The following ZNF787 variants were observed in gnomAD, a reference collection of about 807,000 sequenced individuals.
The protein encoded by ZNF787 is TTF-I-interacting peptide 20.
Under a neutral mutation model 16.9 loss-of-function variants are expected in ZNF787, and 7 were observed. The ratio of observed to expected loss-of-function variants is 0.42; its 90% confidence interval spans 0.24 to 0.78. The LOEUF (loss-of-function observed/expected upper bound fraction) is 0.78. Ranked by LOEUF, ZNF787 falls within the 30% of genes least tolerant of loss-of-function variation. The pLI, the probability that ZNF787 is intolerant of heterozygous loss-of-function variation, is 0.30. For synonymous variants in ZNF787, 345 were observed against 270.9 expected (o/e 1.27, Z -2.69); for missense variants, 551 against 589.3 (o/e 0.94, Z 0.67).
At chr19:56,089,453 C>T (rs747983478) in intron 2 of ZNF787, among the ~76,000 whole-genome samples, 30 of 152,098 alleles carry the variant, frequency 2.0e-4, no homozygotes, top group Non-Finnish European at 2.9e-5. Flanking sequence ...GCCTGGACGC[C>T]GGGGGCAGAG....
At chr19:56,089,361 A>T (rs1221161413) in intron 2 of ZNF787, among the ~76,000 whole-genome samples, 1 of 152,116 alleles carries the variant, frequency 6.6e-6, no homozygotes, top group Non-Finnish European at 1.5e-5. Context: ...GTCTGTAAAC[A>T]ACCAGGCAAC....
rs776699302 is a variant in ZNF787 at position 56,088,093 on chromosome 19, T to C, written c.1079A>G (p.Glu360Gly). Reference protein sequence around the residue: ...CGQSYYRAGGEEEDDDDEAAG... With the variant: ...CGQSYYRAGGGEEDDDDEAAG... ...GGCCTCGTCGTCGTCGTCCTCCTCC[T>C]CCCCGCCCGCGCGGTAGTAGCTCTG... The change falls in exon 3 of 3, where the codon GAG (glutamate) becomes GGG (glycine). Residue 360 changes from glutamate (E) to glycine (G), a missense_variant. By Grantham distance (98) the Glu-to-Gly change is moderately conservative. Coordinates refer to ENST00000610935, the MANE Select transcript of ZNF787 (RefSeq NM_001002836.4). The surrounding 1 kb of genome is among the most constrained non-coding windows in gnomAD (Gnocchi z 8.6). 1.1e-5 allele frequency: 15 copies of C among 1,362,452 alleles called. No homozygotes were observed. In the Middle Eastern group the frequency reaches 8.7e-4, roughly 79 times the overall value. The allele number at this position is 1,362,452 out of a possible 1,614,324, so 84.4% of individuals were successfully genotyped here. A position where few individuals can be genotyped will look rare whatever the true frequency, so the allele number is the denominator to read the frequency against.
intron 2 of ZNF787, among the ~76,000 whole-genome samples, chr19:56,098,750 C>T (rs1298160004): frequency 8.6e-6 from 1 of 116,282 alleles, no homozygotes; most frequent in Non-Finnish European, 1.9e-5. Flanking sequence ...GTGATACGGC[C>T]GCTGGGTGAT....
chr19:56,109,624 C>T lies in ZNF787; in HGVS notation c.-10-6397G>A, dbSNP rs999185074. ...AAATAACATTTGTGGCCGTGCGCAGCGGCTCACACCTGTAATCCCAGCACA... is the reference window on the plus strand; with the variant it reads ...AAATAACATTTGTGGCCGTGCGCAGTGGCTCACACCTGTAATCCCAGCACA... On this transcript the variant is annotated intron_variant, in intron 1 of 2. Transcript: ENST00000610935. Among the ~76,000 whole-genome samples the T allele has an allele frequency of 9.9e-5, 15 of 152,250 alleles. 3 individuals carry two copies. The highest frequency in any genetic ancestry group is 1.9e-4 in the East Asian group (1 of 5,172).
chr19:56,087,819 G>T lies in ZNF787; in HGVS notation c.*204C>A, dbSNP rs889773065. 3.7e-6 allele frequency: 3 copies of T among 808,984 alleles called. No individual in the cohort carries two copies. The highest frequency in any genetic ancestry group is 4.9e-6 in the Non-Finnish European group (3 of 606,920). The allele number at this position is 808,984 out of a possible 1,614,324, so 50.1% of individuals were successfully genotyped here. The stretch of plus-strand genomic sequence containing the variant: ...GGGCGGGCCAGGCTGAGGGGGCAGA[G>T]TCTCGAGGCGGAGAAGTGAACGGGC... On this transcript the variant is annotated 3_prime_UTR_variant, in exon 3 of 3. Coordinates refer to ENST00000610935, the MANE Select transcript of ZNF787 (RefSeq NM_001002836.4).
chr19:56,120,956 T>G, intron 1 of ZNF787, among the ~76,000 whole-genome samples: 1 of 104,202 alleles, frequency 9.6e-6, no homozygotes, highest in African/African-American at 3.6e-5. Flanking sequence ...CGGGCGCGCG[T>G]CCCCTCCCAC....
chr19:56,115,055 C>G (rs1044461477), intron 1 of ZNF787, among the ~76,000 whole-genome samples: 1 of 152,152 alleles, frequency 6.6e-6, no homozygotes, highest in Admixed American at 6.5e-5. Context: ...TACCTGGCAT[C>G]TTGCATGGGG....
At chr19:56,118,882 C>T (rs2030210544) in intron 1 of ZNF787, among the ~76,000 whole-genome samples, 1 of 152,150 alleles carries the variant, frequency 6.6e-6, no homozygotes, top group Admixed American at 6.5e-5. Flanking sequence ...TGAGCTGTGA[C>T]CCCTGCCATT....
intron 1 of ZNF787, among the ~76,000 whole-genome samples, chr19:56,117,726 T>C (rs2030179245): frequency 6.6e-6 from 1 of 152,200 alleles, no homozygotes; most frequent in Non-Finnish European, 1.5e-5. Context: ...ACACCTACTA[T>C]AGGTCCCCAT....
chr19:56,100,599 G>A (rs1163775747), intron 2 of ZNF787, among the ~76,000 whole-genome samples: 2 of 152,134 alleles, frequency 1.3e-5, no homozygotes, highest in African/African-American at 4.8e-5. Flanking sequence ...CAATAGGCTA[G>A]AGGAAAAGGG....
At chr19:56,114,694 G>A (rs978675888) in intron 1 of ZNF787, among the ~76,000 whole-genome samples, 12 of 152,128 alleles carry the variant, frequency 7.9e-5, no homozygotes, top group Admixed American at 2.6e-4. Flanking sequence ...TGTCACGAGC[G>A]TGGTGATATC....
At chr19:56,107,373 G>T (rs541325100) in intron 1 of ZNF787, among the ~76,000 whole-genome samples, 5 of 152,172 alleles carry the variant, frequency 3.3e-5, no homozygotes, top group African/African-American at 1.2e-4. Context: ...CATGAAGGCC[G>T]CGCTCTCCAG....
rs1024633274 is a variant in ZNF787, at chr19:56,087,881, G to A, written c.*142C>T. The A allele has an allele frequency of 4.0e-6, 5 of 1,251,264 alleles. No individual in the cohort carries two copies. The highest frequency in any genetic ancestry group is 4.4e-5 in the Admixed American group (1 of 22,762). 77.5% of individuals were successfully genotyped at this position (1,251,264 alleles called of 1,614,324 possible). A position where few individuals can be genotyped will look rare whatever the true frequency, so the allele number is the denominator to read the frequency against. On this transcript the variant is annotated 3_prime_UTR_variant, in exon 3 of 3. Coordinates refer to ENST00000610935, the MANE Select transcript of ZNF787 (RefSeq NM_001002836.4). ...CCAGTGCCCCCCCACGGACGGCGCAGGGACAGAGGAGGGCGGGGAGCCGGG... is the reference window on the plus strand; with the variant it reads ...CCAGTGCCCCCCCACGGACGGCGCAAGGACAGAGGAGGGCGGGGAGCCGGG...
In ZNF787 at chr19:56,094,433, C is replaced by G. The variant is rs569516305; in HGVS notation, c.80-5341G>C. Among the ~76,000 whole-genome samples, 50 of 151,534 alleles carry G rather than the reference C, an allele frequency of 3.3e-4. No homozygotes were observed. The Middle Eastern group carries it at 0.014, about 42-fold the overall frequency. ...AAGTGATCCACCAGCCTTGGCCTCC[C>G]AAAGTGCTGGGATTACAAGCATGAG... is the stretch of plus-strand genomic sequence containing the variant. On this transcript the variant is annotated intron_variant, in intron 2 of 2. Coordinates refer to ENST00000610935, the MANE Select transcript of ZNF787 (RefSeq NM_001002836.4).
intron 2 of ZNF787, among the ~76,000 whole-genome samples, chr19:56,091,982 G>GAAGCCGAAGCCGAAGCCGAAACCGAAAC (rs1568523497): frequency 1.4e-5 from 2 of 143,668 alleles, no homozygotes; most frequent in African/African-American, 5.4e-5. Context: ...AAAGCCGAAG[G>GAAGCCGAAGCCGAAGCCGAAACCGAAAC]CGAAACCGAA....
Position 56,087,378 on chromosome 19 carries a change from G to A in ZNF787, c.*645C>T, listed in dbSNP as rs1206889208. On this transcript the variant is annotated 3_prime_UTR_variant, in exon 3 of 3. Transcript: ENST00000610935. ...CCACGCAGAGGGGGACATTTGGATA[G>A]TGCCGTTTATTGTTCCAGCACCCCT... The A allele has an allele frequency of 2.0e-5, 3 of 151,936 alleles. No individual in the cohort carries two copies. Among genetic ancestry groups the A allele is most frequent in the East Asian group, 1.9e-4 (1 of 5,170 alleles). 9.4% of individuals were successfully genotyped at this position (151,936 alleles called of 1,614,324 possible). A position where few individuals can be genotyped will look rare whatever the true frequency, so the allele number is the denominator to read the frequency against.
intron 1 of ZNF787, among the ~76,000 whole-genome samples, chr19:56,113,136 T>G (rs1473797971): frequency 1.3e-5 from 2 of 152,074 alleles, no homozygotes; most frequent in East Asian, 3.9e-4. Flanking sequence ...GACAAATATC[T>G]GATAGGCACA....
At chr19:56,117,940 T>C (rs1263900548) in intron 1 of ZNF787, among the ~76,000 whole-genome samples, 1 of 152,300 alleles carries the variant, frequency 6.6e-6, no homozygotes, top group East Asian at 1.9e-4. Context: ...GGACCCCCAT[T>C]TAGCACAAGA....
Position 56,088,282 on chromosome 19 carries a change from G to A in ZNF787, c.890C>T (p.Ala297Val), listed in dbSNP as rs747663921. 17 of 1,389,600 alleles carry A rather than the reference G, an allele frequency of 1.2e-5. No homozygotes were observed. The highest frequency in any genetic ancestry group is 1.5e-5 in the Non-Finnish European group (16 of 1,075,498). The allele number at this position is 1,389,600 out of a possible 1,614,324, so 86.1% of individuals were successfully genotyped here. A position where few individuals can be genotyped will look rare whatever the true frequency, so the allele number is the denominator to read the frequency against. ...GTCCCCGTGCTGGGCCCGCTGGTGC[G>A]CCAGGAGCCCGGCCCCGTGCCCGAA... ...KGFGHGAGLL[A>V]HQRAQHGDGL... The change falls in exon 3 of 3, where the codon GCG (alanine) becomes GTG (valine). Residue 297 changes from alanine (A) to valine (V), a missense_variant. Physicochemically the swap from Ala to Val is moderately conservative, Grantham distance 64. Around this residue, in one of 4 missense-constraint regions of ZNF787, gnomAD observed 392 missense variants for 312.7 expected, o/e 1.25. Transcript: ENST00000610935. The surrounding 1 kb of genome is among the most constrained non-coding windows in gnomAD (Gnocchi z 8.6).
Sources: allele counts gnomAD v4.1 joint callset (sites outside exome capture counted in the v4.1 genomes callset), GRCh38; gene constraint gnomAD v4.1.1; regional missense constraint gnomAD v4.1.1; non-coding constraint Gnocchi (gnomAD v3.1); transcripts MANE v1.5; gene names NCBI Gene and HGNC (gene_info 2026-07-23, HGNC 2026-07-21).